The following ADH1B variants were observed in gnomAD, a reference collection of about 807,000 sequenced individuals.
ADH1B encodes alcohol dehydrogenase 1B (class I), beta polypeptide.
Under a neutral mutation model 34.6 loss-of-function variants are expected in ADH1B, and 29 were observed. The ratio of observed to expected loss-of-function variants is 0.84; its 90% confidence interval spans 0.62 to 1.14. The LOEUF is 1.14. Ranked by LOEUF, ADH1B falls within the 50% of genes most tolerant of loss-of-function variation. The pLI is 0.00. For synonymous variants in ADH1B, 170 were observed against 175.5 expected (o/e 0.97, Z 0.25); for missense variants, 424 against 468.4 (o/e 0.91, Z 0.87).
chr4:99,310,348 A>C, intron 8 of ADH1B: 1 of 459,448 alleles, frequency 2.2e-6, no homozygotes, highest in East Asian at 6.4e-5. Flanking sequence ...GAAAATGTTG[A>C]GGATGTCCTG....
In ADH1B at chr4:99,311,513, C is replaced by A; in HGVS notation, c.964+8G>T. The stretch of plus-strand genomic sequence containing the variant: ...ATGAGAATTTGGCACTTGAGCCCAA[C>A]TACATACCACCATAAACAGCCCCCT... On this transcript the variant is annotated splice_region_variant and intron_variant, in intron 7 of 8. Transcript: ENST00000305046. 1 of 1,612,508 alleles carries A rather than the reference C, an allele frequency of 6.2e-7. No homozygotes were observed. The highest frequency in any genetic ancestry group is 8.5e-7 in the Non-Finnish European group (1 of 1,179,118).
intron 1 of ADH1B, 181 bp from the exon 2 acceptor site, chr4:99,319,067 A>G: frequency 1.3e-6 from 1 of 768,764 alleles, no homozygotes; most frequent in East Asian, 2.5e-5. Flanking sequence ...AAGCAATAAC[A>G]TAAGGAAAGA....
In ADH1B at chr4:99,318,765, T is replaced by C; in HGVS notation, c.120+20A>G. On this transcript the variant is annotated intron_variant, in intron 2 of 8. Transcript: ENST00000305046. ...AGTTTTTTAAATGTAAAATGAAATA[T>C]AAATGGAAAAATATTTCACCTTAAT... 1.9e-6 allele frequency: 3 copies of C among 1,591,112 alleles called. No homozygotes were observed. Among genetic ancestry groups the C allele is most frequent in the Non-Finnish European group, 2.6e-6 (3 of 1,168,930 alleles).
At chr4:99,310,645 A>G in intron 8 of ADH1B, 120 bp downstream of exon 8, 3 of 1,348,154 alleles carry the variant, frequency 2.2e-6, no homozygotes, top group Non-Finnish European at 3.0e-6. Flanking sequence ...CAAAGACTGA[A>G]CTGGTAATGG....
At chr4:99,314,127 G>A in intron 5 of ADH1B, 46 bp from the exon 6 acceptor site, 1 of 1,603,846 alleles carries the variant, frequency 6.2e-7, no homozygotes, top group South Asian at 1.1e-5. Context: ...ATGATTGTTA[G>A]AAAGTGCCTA....
At chr4:99,319,228 A>G in intron 1 of ADH1B, 2 of 368,214 alleles carry the variant, frequency 5.4e-6, no homozygotes, top group Non-Finnish European at 1.0e-5. Flanking sequence ...TAGCTGATAT[A>G]TGAAGTTAGA....
Position 99,311,533 on chromosome 4 carries a change from C to A in ADH1B, c.952G>T (p.Ala318Ser). 1 of 1,613,608 alleles carries A rather than the reference C, an allele frequency of 6.2e-7. No individual in the cohort carries two copies. The highest frequency in any genetic ancestry group is 1.3e-5 in the African/African-American group (1 of 74,996). Residue 318 changes from alanine (A) to serine (S), a missense_variant, in exon 7 of 9, where the codon GCT becomes TCT. Around this residue, in one of 3 missense-constraint regions of ADH1B, gnomAD observed 130 missense variants for 151.8 expected, o/e 0.86. Transcript: ENST00000305046. Reference sequence around the variant, plus strand: ...CCCAACTACATACCACCATAAACAGCCCCCTTCCAGGTGCGTCCAGTCAGT... The same window carrying A: ...CCCAACTACATACCACCATAAACAGACCCCTTCCAGGTGCGTCCAGTCAGT... ...LLLTGRTWKG[A>S]VYGGFKSKEG...
rs554733058 is a variant in ADH1B, at chr4:99,315,947, A to G, written c.518T>C (p.Ile173Thr). ...ATAACCAGTCGAGAATCCACAGCCA[A>G]TGAGGCAGACTTTCTCCAGGGGCGA... ...AASPLEKVCL[I>T]GCGFSTGYGS... The change falls in exon 5 of 9, where the codon ATT (isoleucine) becomes ACT (threonine). Residue 173 changes from isoleucine to threonine, a missense_variant. Transcript: ENST00000305046. The G allele has an allele frequency of 7.6e-5, 122 of 1,614,174 alleles. 1 individual carries two copies. In the South Asian group the frequency reaches 7.6e-4, roughly 10 times the overall value.
chr4:99,321,036 C>T, intron 1 of ADH1B: 1 of 657,134 alleles, frequency 1.5e-6, no homozygotes, highest in Non-Finnish European at 2.2e-6. Flanking sequence ...TCATGATTAG[C>T]TTGGAATAAA....
intron 1 of ADH1B, chr4:99,320,961 A>G (rs1269411559): frequency 8.4e-7 from 1 of 1,185,216 alleles, no homozygotes. Flanking sequence ...CATTTGAATT[A>G]TGGTTTCTTA....
chr4:99,316,463 AT>A, intron 3 of ADH1B, 161 bp from the exon 4 acceptor site: 1 of 811,758 alleles, frequency 1.2e-6, no homozygotes. Context: ...CTGCCACAGC[AT>A]TGTTTTCAGT....
In ADH1B at chr4:99,306,561, G is replaced by A. The variant is rs1469582776; in HGVS notation, c.*1279C>T. On this transcript the variant is annotated 3_prime_UTR_variant, in exon 9 of 9. Transcript: ENST00000305046. ...CTTTCATAATATGAAATAGAATGTAGATATTGCAACAATAGCATTTTTGGA... is the reference window on the plus strand; with the variant it reads ...CTTTCATAATATGAAATAGAATGTAAATATTGCAACAATAGCATTTTTGGA... The A allele has an allele frequency of 3.3e-5, 5 of 152,148 alleles. No homozygotes were observed. The highest frequency in any genetic ancestry group is 7.3e-5 in the Non-Finnish European group (5 of 68,032). 9.4% of individuals were successfully genotyped at this position (152,148 alleles called of 1,614,324 possible).
intron 3 of ADH1B, chr4:99,317,195 A>G (rs761610527): frequency 1.3e-5 from 2 of 152,198 alleles, no homozygotes; most frequent in Non-Finnish European, 2.9e-5. Context: ...AAAATTAAAC[A>G]TAATTTTTAT....
At position 99,306,333 on chromosome 4, in the gene ADH1B, AC is replaced by A. The variant is rs1211699036; in HGVS notation, c.*1506del. ...ACCCCGCTTTAGCATTTTTGACAAAACAATCAGGTTACCCACATTTACATGG... is the reference window on the plus strand; with the variant it reads ...ACCCCGCTTTAGCATTTTTGACAAAAAATCAGGTTACCCACATTTACATGG... On this transcript the variant is annotated 3_prime_UTR_variant, in exon 9 of 9. Transcript: ENST00000305046. The A allele has an allele frequency of 6.6e-6, 1 of 152,128 alleles. No individual in the cohort carries two copies. Among genetic ancestry groups the A allele is most frequent in the Non-Finnish European group, 1.5e-5 (1 of 68,060 alleles). 9.4% of individuals were successfully genotyped at this position (152,128 alleles called of 1,614,324 possible).
At chr4:99,320,752 C>A (rs1734004170) in intron 1 of ADH1B, 2 of 1,080,844 alleles carry the variant, frequency 1.9e-6, no homozygotes, top group South Asian at 2.5e-5. Flanking sequence ...TCATAATGGA[C>A]CCCTTTTAAT....
At chr4:99,310,119 A>G (rs1733713817) in intron 8 of ADH1B, among the ~76,000 whole-genome samples, 2 of 152,146 alleles carry the variant, frequency 1.3e-5, no homozygotes. Context: ...AGCTGGTTGT[A>G]AGTGTTAAAT....
At chr4:99,316,408 C>CT in intron 3 of ADH1B, 106 bp from the exon 4 acceptor site, 1 of 1,152,376 alleles carries the variant, frequency 8.7e-7, no homozygotes, top group Non-Finnish European at 1.2e-6. Flanking sequence ...CTTTAAAAGT[C>CT]TTTAAGGAAT....
At position 99,314,015 on chromosome 4, in the gene ADH1B, A is replaced by T. The variant is rs748906738; in HGVS notation, c.634T>A (p.Cys212Ser). The change falls in exon 6 of 9, where the codon TGT becomes AGT. Residue 212 changes from cysteine to serine, a missense_variant. Coordinates refer to ENST00000305046, the MANE Select transcript of ADH1B (RefSeq NM_000668.6). The part of the protein sequence containing the change: ...GGVGLSAVMG[C>S]KAAGAARIIA... The stretch of plus-strand genomic sequence containing the variant: ...ATTCTGGCTGCTCCAGCTGCTTTAC[A>T]GCCCATAACAGCAGATAGGCCGACC... 6.2e-7 allele frequency: 1 copy of T among 1,614,212 alleles called. No homozygotes were observed. Among genetic ancestry groups the T allele is most frequent in the South Asian group, 1.1e-5 (1 of 91,086 alleles).
chr4:99,320,282 G>A (rs1733989853), intron 1 of ADH1B: 1 of 152,112 alleles, frequency 6.6e-6, no homozygotes, highest in Non-Finnish European at 1.5e-5. Context: ...CCACTTTTAA[G>A]TGAGAACATT....
Sources: gnomAD v4.1 joint callset for allele counts (sites outside exome capture counted in the v4.1 genomes callset) on GRCh38, gnomAD v4.1.1 for gene constraint, gnomAD v4.1.1 regional missense constraint, MANE v1.5 for transcripts, NCBI Gene and HGNC (gene_info 2026-07-23, HGNC 2026-07-21) for gene names.